The following FIP1L1 variants were observed in gnomAD, a reference collection of about 807,000 sequenced individuals.
The protein encoded by FIP1L1 is factor interacting with PAPOLA and CPSF1.
In FIP1L1, 21 loss-of-function variants were observed where a neutral mutation model predicts 84.6. That is an observed-to-expected ratio of 0.25 (90% confidence interval 0.18 to 0.36). The LOEUF is 0.36. Ranked by LOEUF, FIP1L1 falls within the 10% of genes least tolerant of loss-of-function variation. The pLI is 1.00. For synonymous variants in FIP1L1, 263 were observed against 242.3 expected, an observed-to-expected ratio of 1.09 and a Z score of -0.80; for missense variants, 526 against 751.1, an observed-to-expected ratio of 0.70 and a Z score of 3.50.
chr4:53,397,221 G>A (rs1747858828), intron 9 of FIP1L1, among the ~76,000 whole-genome samples: 1 of 152,148 alleles, frequency 6.6e-6, no homozygotes, highest in Admixed American at 6.5e-5. Context: ...TGCTTTCAAA[G>A]GATTCCTTTT....
intron 11 of FIP1L1, among the ~76,000 whole-genome samples, chr4:53,416,231 T>C (rs1441820231): frequency 6.6e-6 from 1 of 152,218 alleles, no homozygotes; most frequent in Non-Finnish European, 1.5e-5. Context: ...AACCTGGCAG[T>C]ATGGACAGCC....
intron 16 of FIP1L1, among the ~76,000 whole-genome samples, chr4:53,457,540 CT>C (rs1406104804): frequency 2.0e-5 from 3 of 152,058 alleles, no homozygotes; most frequent in African/African-American, 7.2e-5. Context: ...TGAATCATTA[CT>C]TTTGCTAGAA....
At chr4:53,378,018 T>G (rs1735493195) in intron 1 of FIP1L1, 95 bp downstream of exon 1, 1 of 1,145,450 alleles carries the variant, frequency 8.7e-7, no homozygotes. Context: ...CGCCGCCGCT[T>G]CGGGCCTCTG....
intron 10 of FIP1L1, among the ~76,000 whole-genome samples, chr4:53,405,155 G>T (rs1181491444): frequency 2.6e-5 from 4 of 152,176 alleles, no homozygotes; most frequent in African/African-American, 7.2e-5. Context: ...TAACATTTAA[G>T]TCTTTAATCC....
intron 13 of FIP1L1, among the ~76,000 whole-genome samples, chr4:53,433,588 G>T (rs974290361): frequency 6.6e-6 from 1 of 151,840 alleles, no homozygotes; most frequent in Non-Finnish European, 1.5e-5. Flanking sequence ...GTTTTTGTAT[G>T]AACTCTTATC....
At chr4:53,457,780 TAAAA>T (rs1229566127) in intron 16 of FIP1L1, among the ~76,000 whole-genome samples, 1 of 150,892 alleles carries the variant, frequency 6.6e-6, no homozygotes, top group African/African-American at 2.4e-5. Flanking sequence ...ATGCTAAACA[TAAAA>T]AAAGAAAAAG....
rs570021028 is a variant in FIP1L1 at position 53,460,287 on chromosome 4, A to AGTTGTTT, written c.*841_*842insGTTTGTT. 1.6e-5 allele frequency: 3 copies of AGTTGTTT among 190,822 alleles called. No homozygotes were observed. The highest frequency in any genetic ancestry group is 3.9e-4 in the South Asian group (2 of 5,160). The allele number at this position is 190,822 out of a possible 1,614,324, so 11.8% of individuals were successfully genotyped here. ...GCCATTTCTTACTAAAAACAAAACA[A>AGTTGTTT]GTTTATAATTAATTCTCTGAGCGAG... On this transcript the variant is annotated 3_prime_UTR_variant, in exon 18 of 18. Coordinates refer to ENST00000337488, the MANE Select transcript of FIP1L1 (RefSeq NM_030917.4).
At chr4:53,422,524 TA>T (rs1200593784) in intron 11 of FIP1L1, among the ~76,000 whole-genome samples, 1 of 152,030 alleles carries the variant, frequency 6.6e-6, no homozygotes, top group Non-Finnish European at 1.5e-5. Context: ...TAAATATATA[TA>T]AAGTATTTAG....
intron 16 of FIP1L1, 105 bp downstream of exon 16, chr4:53,453,238 C>G: frequency 7.7e-7 from 1 of 1,301,566 alleles, no homozygotes; most frequent in Non-Finnish European, 1.1e-6. Context: ...AAGAGATGCT[C>G]AGGGAGTACA....
At chr4:53,416,947 AGTGAGACCCT>A (rs1394092065) in intron 11 of FIP1L1, among the ~76,000 whole-genome samples, 1 of 152,054 alleles carries the variant, frequency 6.6e-6, no homozygotes, top group African/African-American at 2.4e-5. Flanking sequence ...TGGGTGACAG[AGTGAGACCCT>A]GTCTCAAAAA....
intron 10 of FIP1L1, among the ~76,000 whole-genome samples, chr4:53,408,970 C>T (rs1252767646): frequency 1.3e-5 from 2 of 152,130 alleles, no homozygotes; most frequent in Non-Finnish European, 2.9e-5. Flanking sequence ...GTAGTTTGAT[C>T]GTCTGAAGCT....
At chr4:53,386,433 T>C (rs538833567) in intron 5 of FIP1L1, among the ~76,000 whole-genome samples, 5 of 152,224 alleles carry the variant, frequency 3.3e-5, no homozygotes, top group Non-Finnish European at 5.9e-5. Context: ...CAGGAAGTTA[T>C]TATTTTCCAG....
intron 14 of FIP1L1, among the ~76,000 whole-genome samples, chr4:53,443,529 A>G (rs571265026): frequency 6.6e-6 from 1 of 152,334 alleles, no homozygotes; most frequent in South Asian, 2.1e-4. Flanking sequence ...ACTTTACATC[A>G]GTAGCATCAA....
At chr4:53,444,150 G>T (rs1249810076) in intron 15 of FIP1L1, 47 bp downstream of exon 15, 1 of 1,213,940 alleles carries the variant, frequency 8.2e-7, no homozygotes. Context: ...AATCAGTAAA[G>T]TACTTGAATA....
In FIP1L1 at chr4:53,428,198, A is replaced by C. The variant is rs1359562908; in HGVS notation, c.1174+15A>C. The C allele has an allele frequency of 6.5e-7, 1 of 1,529,042 alleles. No homozygotes were observed. Among genetic ancestry groups the C allele is most frequent in the Non-Finnish European group, 8.8e-7 (1 of 1,132,418 alleles). 94.7% of individuals were successfully genotyped at this position (1,529,042 alleles called of 1,614,324 possible). A position where few individuals can be genotyped will look rare whatever the true frequency, so the allele number is the denominator to read the frequency against. On this transcript the variant is annotated intron_variant, in intron 13 of 17. Transcript: ENST00000337488. ...TCCACCACCGGGTAAATAGTAAATA[A>C]GACATTTGACTTTGAAAGAAAAATA... is the stretch of plus-strand genomic sequence containing the variant.
At chr4:53,447,814 C>A (rs188670025) in intron 15 of FIP1L1, among the ~76,000 whole-genome samples, 2 of 151,914 alleles carry the variant, frequency 1.3e-5, no homozygotes, top group African/African-American at 2.4e-5. Context: ...ATATCTATAG[C>A]CTGAAGTTAA....
chr4:53,445,634 AC>A (rs1332829630), intron 15 of FIP1L1, among the ~76,000 whole-genome samples: 1 of 152,112 alleles, frequency 6.6e-6, no homozygotes, highest in Non-Finnish European at 1.5e-5. Flanking sequence ...GGCAATATAT[AC>A]TATATAAAGG....
chr4:53,445,768 T>A (rs1311244301), intron 15 of FIP1L1, among the ~76,000 whole-genome samples: 1 of 152,176 alleles, frequency 6.6e-6, no homozygotes, highest in Non-Finnish European at 1.5e-5. Context: ...AGGACACCTT[T>A]GTCTTTGTAA....
chr4:53,440,514 G>GATGGCAT, intron 13 of FIP1L1: 2 of 980,964 alleles, frequency 2.0e-6, no homozygotes, highest in Non-Finnish European at 3.1e-6. Context: ...TTGTTTTGGT[G>GATGGCAT]ATGGCATAAA....
Sources: gnomAD v4.1 joint callset for allele counts (sites outside exome capture counted in the v4.1 genomes callset) on GRCh38, gnomAD v4.1.1 for gene constraint, MANE v1.5 for transcripts, NCBI Gene and HGNC (gene_info 2026-07-23, HGNC 2026-07-21) for gene names.